Variants in RAB3IL1 observed in about 807,000 individuals in gnomAD.
RAB3IL1 encodes RAB3A interacting protein like 1.
Under a neutral mutation model 49.2 loss-of-function variants are expected in RAB3IL1, and 37 were observed. The observed-to-expected ratio is 0.75, with a 90% confidence interval of 0.58 to 0.99. The LOEUF (loss-of-function observed/expected upper bound fraction) is 0.99. Ranked by LOEUF, RAB3IL1 falls within the 50% of genes least tolerant of loss-of-function variation. The probability of loss-of-function intolerance (pLI) is 0.00; values close to 1 mark genes in which losing one functional copy is unlikely to be tolerated. For missense variants in RAB3IL1, 484 were observed against 513.0 expected (o/e 0.94, Z 0.55); for synonymous variants, 193 against 213.9 (o/e 0.90, Z 0.85).
At chr11:61,931,679 G>A in the RAB3IL1 span, among the ~76,000 whole-genome samples, 1 of 152,094 alleles carries the variant, frequency 6.6e-6, no homozygotes, top group African/African-American at 2.4e-5. Context: ...GGAAGAAGGA[G>A]AGGCATTAAT....
chr11:61,934,444 G>GTGTGTATGTGTATGTA, the RAB3IL1 span, among the ~76,000 whole-genome samples: 96 of 83,632 alleles, frequency 1.1e-3, 7 homozygotes, highest in Non-Finnish European at 1.8e-3. Context: ...GTGTGTGTGT[G>GTGTGTATGTGTATGTA]TGTATGTATA....
At chr11:61,912,528 G>A (rs1433324386) in intron 1 of RAB3IL1, among the ~76,000 whole-genome samples, 2 of 152,238 alleles carry the variant, frequency 1.3e-5, no homozygotes, top group South Asian at 4.1e-4. Context: ...CTCCACAGGT[G>A]TCATGGCCTG....
At chr11:61,920,240 A>G (rs1383566590), upstream of RAB3IL1, 1 of 1,239,344 alleles carries the variant, frequency 8.1e-7, no homozygotes. Flanking sequence ...CCGGGAAGGG[A>G]GGTAGCAGGA....
upstream of RAB3IL1, among the ~76,000 whole-genome samples, chr11:61,920,997 AT>A (rs1173268317): frequency 2.0e-5 from 3 of 151,802 alleles, no homozygotes; most frequent in Non-Finnish European, 4.4e-5. Flanking sequence ...TTTTTCTTAG[AT>A]TTGAGATTCC....
At chr11:61,908,826 G>C (rs962664612) in intron 1 of RAB3IL1, among the ~76,000 whole-genome samples, 1 of 152,208 alleles carries the variant, frequency 6.6e-6, no homozygotes, top group Non-Finnish European at 1.5e-5. Flanking sequence ...GGCCAGGGCA[G>C]GCAGGGCTGA....
upstream of RAB3IL1, among the ~76,000 whole-genome samples, chr11:61,922,961 G>T (rs1387596858): frequency 5.3e-5 from 8 of 152,312 alleles, no homozygotes; most frequent in Middle Eastern, 0.01. Context: ...GTGAAGGGTG[G>T]GGGTCTCCCC....
the RAB3IL1 span, among the ~76,000 whole-genome samples, chr11:61,929,526 T>TA: frequency 0.2 from 30,510 of 150,444 alleles, 3,407 homozygotes; most frequent in Non-Finnish European, 0.25. Context: ...TAAAAAAATT[T>TA]AAAAAAAAAT....
intron 8 of RAB3IL1, chr11:61,899,586 T>C (rs1938798303): frequency 1.7e-6 from 1 of 579,926 alleles, no homozygotes; most frequent in East Asian, 2.8e-5. Context: ...GCAGCAGCCA[T>C]TTCATCAAGC....
chr11:61,917,647 T>G (rs1033532305), upstream of RAB3IL1: 8 of 869,058 alleles, frequency 9.2e-6, no homozygotes, highest in Non-Finnish European at 8.3e-6. Context: ...CGGCGCGCGC[T>G]CCCAAGGCCT....
At chr11:61,924,903 G>T (rs1340333033), upstream of RAB3IL1, among the ~76,000 whole-genome samples, 3 of 152,214 alleles carry the variant, frequency 2.0e-5, no homozygotes, top group African/African-American at 7.2e-5. Context: ...CAGAAGGAAA[G>T]CTCAGCCACC....
chr11:61,920,057 G>A (rs1278535163), upstream of RAB3IL1: 1 of 1,271,732 alleles, frequency 7.9e-7, no homozygotes, highest in Non-Finnish European at 1.0e-6. Flanking sequence ...GTGCCCCAGG[G>A]CTCTTCTCTC....
At chr11:61,934,353 T>TC in the RAB3IL1 span, among the ~76,000 whole-genome samples, 1 of 70,970 alleles carries the variant, frequency 1.4e-5, no homozygotes, top group Non-Finnish European at 3.5e-5. Context: ...CACACACACA[T>TC]ATGTATATAT....
At chr11:61,928,307 G>A in the RAB3IL1 span, among the ~76,000 whole-genome samples, 1 of 152,192 alleles carries the variant, frequency 6.6e-6, no homozygotes, top group Non-Finnish European at 1.5e-5. Flanking sequence ...CCAGGAGGGA[G>A]GTTGGGGACA....
chr11:61,926,057 A>G, the RAB3IL1 span, among the ~76,000 whole-genome samples: 1 of 137,370 alleles, frequency 7.3e-6, no homozygotes, highest in Non-Finnish European at 1.5e-5. Context: ...AAAGATCAAT[A>G]GATCTGTCCG....
chr11:61,945,871 T>C, the RAB3IL1 span: 3 of 933,142 alleles, frequency 3.2e-6, no homozygotes, highest in East Asian at 1.2e-4. Flanking sequence ...GTCTATTCCA[T>C]GCTATTCCGT....
upstream of RAB3IL1, chr11:61,920,209 T>C: frequency 1.6e-6 from 2 of 1,254,180 alleles, no homozygotes; most frequent in Non-Finnish European, 1.0e-6. Flanking sequence ...AAGGCCAGAC[T>C]GAGGGTCCCT....
chr11:61,924,243 T>C (rs1217377908), upstream of RAB3IL1, among the ~76,000 whole-genome samples: 2 of 152,128 alleles, frequency 1.3e-5, no homozygotes, highest in East Asian at 3.9e-4. Context: ...AAGCTAAACT[T>C]GCTCTTTTCA....
rs1412497384 is a variant in RAB3IL1, at chr11:61,917,461, G to A, written c.-94C>T. On this transcript the variant is annotated 5_prime_UTR_variant, in exon 1 of 10. Transcript: ENST00000394836. ...CCCGCCGCCGACTCCGCCAGGGGCCGAGCCGCCCCACCGCCTGTCAGCCCT... is the reference window on the plus strand; with the variant it reads ...CCCGCCGCCGACTCCGCCAGGGGCCAAGCCGCCCCACCGCCTGTCAGCCCT... 47 of 1,164,384 alleles carry A rather than the reference G, an allele frequency of 4.0e-5. No individual in the cohort carries two copies. Among genetic ancestry groups the A allele is most frequent in the Non-Finnish European group, 4.4e-5 (42 of 946,030 alleles). The allele number at this position is 1,164,384 out of a possible 1,614,324, so 72.1% of individuals were successfully genotyped here.
upstream of RAB3IL1, among the ~76,000 whole-genome samples, chr11:61,924,702 G>T (rs997992379): frequency 3.3e-5 from 5 of 152,312 alleles, no homozygotes; most frequent in Middle Eastern, 3.4e-3. Context: ...GATGGTGAGG[G>T]CCGGGAAGTG....
Sources: gnomAD v4.1 joint callset for allele counts (sites outside exome capture counted in the v4.1 genomes callset) on GRCh38, gnomAD v4.1.1 for gene constraint, MANE v1.5 for transcripts, NCBI Gene and HGNC (gene_info 2026-07-23, HGNC 2026-07-21) for gene names.